Variants in RABGAP1L observed in about 807,000 individuals in gnomAD.
RABGAP1L encodes RAB GTPase activating protein 1 like.
RABGAP1L carries 63 observed loss-of-function variants against 137.7 expected under a neutral mutation model. The observed-to-expected ratio is 0.46, with a 90% confidence interval of 0.37 to 0.56. The LOEUF is 0.56. Among genes scored for constraint, RABGAP1L ranks in the 20% least tolerant of loss-of-function variants. The probability of loss-of-function intolerance (pLI) is 0.00; values close to 1 mark genes in which losing one functional copy is unlikely to be tolerated. For missense variants in RABGAP1L, 1,095 were observed against 1,244.0 expected, an observed-to-expected ratio of 0.88 and a Z score of 1.80; for synonymous variants, 431 against 433.7, an observed-to-expected ratio of 0.99 and a Z score of 0.08.
chr1:174,892,723 G>GTTTCCTT (rs1558198469), intron 19 of RABGAP1L: 4 of 407,974 alleles, frequency 9.8e-6, no homozygotes, highest in African/African-American at 7.6e-5. Context: ...TCATTTCTTT[G>GTTTCCTT]TTTTCTTTCT....
intron 1 of RABGAP1L, among the ~76,000 whole-genome samples, chr1:174,164,745 A>T (rs928877008): frequency 4.6e-5 from 7 of 152,320 alleles, no homozygotes; most frequent in African/African-American, 1.7e-4. Context: ...ATTTCATTTT[A>T]AAAATGCTGG....
At chr1:174,858,514 T>A (rs1462179746) in intron 19 of RABGAP1L, among the ~76,000 whole-genome samples, 1 of 152,022 alleles carries the variant, frequency 6.6e-6, no homozygotes, top group Non-Finnish European at 1.5e-5. Flanking sequence ...CAACAAAGAG[T>A]CAGCCATTCC....
At chr1:174,500,924 G>A (rs1393824060) in intron 13 of RABGAP1L, among the ~76,000 whole-genome samples, 2 of 152,050 alleles carry the variant, frequency 1.3e-5, no homozygotes, top group Non-Finnish European at 2.9e-5. Flanking sequence ...TTTACCTGCC[G>A]CTGACATTAA....
chr1:174,272,558 A>G, intron 8 of RABGAP1L, 78 bp downstream of exon 8: 1 of 1,390,792 alleles, frequency 7.2e-7, no homozygotes, highest in Non-Finnish European at 9.4e-7. Context: ...CTATTTACAA[A>G]TTTTGTCATA....
chr1:174,196,504 G>T (rs760463959), intron 1 of RABGAP1L, among the ~76,000 whole-genome samples: 5 of 151,710 alleles, frequency 3.3e-5, no homozygotes, highest in African/African-American at 1.2e-4. Context: ...GATTACAGGC[G>T]TGAGCAGCAT....
intron 13 of RABGAP1L, among the ~76,000 whole-genome samples, chr1:174,556,218 G>A (rs182310818): frequency 2.6e-5 from 4 of 151,972 alleles, no homozygotes; most frequent in East Asian, 3.9e-4. Flanking sequence ...GGTTGTTCTC[G>A]AACTCCTGAC....
intron 19 of RABGAP1L, chr1:174,850,019 A>C (rs373858545): frequency 3.1e-5 from 20 of 638,304 alleles, no homozygotes; most frequent in African/African-American, 2.9e-4. Flanking sequence ...TCTCTCCCTT[A>C]ATTTCTGGAT....
At chr1:174,527,903 T>TTA (rs1394354286) in intron 13 of RABGAP1L, among the ~76,000 whole-genome samples, 2 of 147,244 alleles carry the variant, frequency 1.4e-5, no homozygotes, top group Non-Finnish European at 3.0e-5. Context: ...ATACTTGTCT[T>TTA]TTTTTTTTTT....
intron 20 of RABGAP1L, among the ~76,000 whole-genome samples, chr1:174,959,852 C>G (rs1458443140): frequency 6.6e-6 from 1 of 152,126 alleles, no homozygotes; most frequent in African/African-American, 2.4e-5. Flanking sequence ...GTAAGATGAT[C>G]AATATGCAGT....
At chr1:174,695,901 A>G (rs962217322) in intron 15 of RABGAP1L, among the ~76,000 whole-genome samples, 1 of 152,184 alleles carries the variant, frequency 6.6e-6, no homozygotes, top group Admixed American at 6.5e-5. Context: ...AAGATCTGAG[A>G]GAATTCCTAA....
chr1:174,942,997 A>C (rs1391761788), intron 19 of RABGAP1L, among the ~76,000 whole-genome samples: 1 of 152,172 alleles, frequency 6.6e-6, no homozygotes, highest in Non-Finnish European at 1.5e-5. Context: ...CCTTGCTTAC[A>C]CAATAGCTCT....
At chr1:174,520,830 G>A (rs374101935) in intron 13 of RABGAP1L, among the ~76,000 whole-genome samples, 175 of 151,944 alleles carry the variant, frequency 1.2e-3, no homozygotes, top group African/African-American at 1.9e-3. Flanking sequence ...GTGAAACCCC[G>A]TCTCTACTAA....
At chr1:174,896,697 A>C (rs542203205) in intron 19 of RABGAP1L, among the ~76,000 whole-genome samples, 46 of 152,296 alleles carry the variant, frequency 3.0e-4, no homozygotes, top group African/African-American at 1.0e-3. Flanking sequence ...TAAATAGGGA[A>C]TCCTTTCCCC....
chr1:174,762,088 A>T (rs1207777950), intron 18 of RABGAP1L, among the ~76,000 whole-genome samples: 1 of 152,098 alleles, frequency 6.6e-6, no homozygotes, highest in Non-Finnish European at 1.5e-5. Context: ...TGAGGGACAG[A>T]TGGAAGCCAG....
chr1:174,704,688 T>A (rs1679923148), intron 17 of RABGAP1L, among the ~76,000 whole-genome samples: 1 of 152,252 alleles, frequency 6.6e-6, no homozygotes, highest in Non-Finnish European at 1.5e-5. Context: ...CCTTTCTAAA[T>A]GTATCTTAAA....
At chr1:174,443,468 C>A (rs1366734885) in intron 13 of RABGAP1L, among the ~76,000 whole-genome samples, 2 of 152,020 alleles carry the variant, frequency 1.3e-5, no homozygotes, top group African/African-American at 2.4e-5. Flanking sequence ...TTTGCATTTG[C>A]CAGAGGCAAA....
intron 13 of RABGAP1L, among the ~76,000 whole-genome samples, chr1:174,591,378 GT>G (rs1472197258): frequency 7.3e-5 from 1 of 13,678 alleles, no homozygotes; most frequent in Non-Finnish European, 1.1e-4. Context: ...TGTCAATTTT[GT>G]CTTTTGTTGC....
At chr1:174,336,562 C>G (rs1433735387) in intron 11 of RABGAP1L, among the ~76,000 whole-genome samples, 2 of 152,192 alleles carry the variant, frequency 1.3e-5, no homozygotes, top group Non-Finnish European at 2.9e-5. Context: ...TAAATGTGCA[C>G]ATGCATTACC....
chr1:174,171,203 T>A (rs1419789766), intron 1 of RABGAP1L, among the ~76,000 whole-genome samples: 2 of 152,336 alleles, frequency 1.3e-5, no homozygotes, highest in Non-Finnish European at 2.9e-5. Flanking sequence ...ATGGGTTACT[T>A]ATTTTCTGTT....
Sources: gnomAD v4.1 joint callset for allele counts (sites outside exome capture counted in the v4.1 genomes callset) on GRCh38, gnomAD v4.1.1 for gene constraint, MANE v1.5 for transcripts, NCBI Gene and HGNC (gene_info 2026-07-23, HGNC 2026-07-21) for gene names.